The following EXOC4 variants were observed in gnomAD, a reference collection of about 807,000 sequenced individuals.
EXOC4 encodes exocyst complex component 4, also known as SEC8-like 1.
EXOC4 carries 71 observed loss-of-function variants against 107.2 expected under a neutral mutation model. The observed-to-expected ratio is 0.66, with a 90% CI of 0.55 to 0.81. The LOEUF (loss-of-function observed/expected upper bound fraction) is 0.81. Among genes scored for constraint, EXOC4 ranks in the 30% least tolerant of loss-of-function variants. EXOC4 has a pLI of 0.00. For missense variants in EXOC4, 1,108 were observed against 1,189.6 expected (o/e 0.93, Z 1.01); for synonymous variants, 456 against 441.2 (o/e 1.03, Z -0.42).
rs144567195 is a variant in EXOC4 at position 133,762,421 on chromosome 7, C to A, written c.1515-54904C>A. 2.4e-3 allele frequency among the ~76,000 whole-genome samples: 360 copies of A among 152,172 alleles called. 3 individuals carry two copies. The highest frequency in any genetic ancestry group is 8.2e-3 in the African/African-American group (341 of 41,516). The stretch of plus-strand genomic sequence containing the variant: ...AAAAATTGAAAATTAAAATAAGAAA[C>A]CTTTTTTTTACTTCATCAAATAGTA... On this transcript the variant is annotated intron_variant, in intron 10 of 17. Coordinates refer to ENST00000253861, the MANE Select transcript of EXOC4 (RefSeq NM_021807.4).
At chr7:134,077,683 A>T in the EXOC4 span, among the ~76,000 whole-genome samples, 1 of 152,230 alleles carries the variant, frequency 6.6e-6, no homozygotes, top group African/African-American at 2.4e-5. Context: ...GGGGCATGAA[A>T]GCAGGGATAC....
intron 5 of EXOC4, among the ~76,000 whole-genome samples, chr7:133,324,965 T>C (rs539459226): frequency 6.6e-6 from 1 of 152,354 alleles, no homozygotes; most frequent in Admixed American, 6.5e-5. Context: ...CATTATGTAA[T>C]GGCCTTCTTT....
chr7:133,339,894 A>G (rs1255702886), intron 5 of EXOC4, among the ~76,000 whole-genome samples: 1 of 152,214 alleles, frequency 6.6e-6, no homozygotes, highest in Non-Finnish European at 1.5e-5. Flanking sequence ...TATCAGATAT[A>G]GGAGCTTTTT....
At chr7:133,572,658 G>A (rs943873499) in intron 9 of EXOC4, among the ~76,000 whole-genome samples, 16 of 152,018 alleles carry the variant, frequency 1.1e-4, no homozygotes, top group African/African-American at 3.6e-4. Flanking sequence ...AACAAAAATC[G>A]CTTTCATGAA....
intron 7 of EXOC4, among the ~76,000 whole-genome samples, chr7:133,437,106 G>C (rs559622051): frequency 1.3e-5 from 2 of 152,174 alleles, no homozygotes; most frequent in South Asian, 4.1e-4. Flanking sequence ...TAAATTTTGC[G>C]TGTTATCCAA....
chr7:133,359,855 A>ATTATT (rs907714081), intron 6 of EXOC4, among the ~76,000 whole-genome samples: 6 of 152,072 alleles, frequency 3.9e-5, no homozygotes, highest in Admixed American at 3.3e-4. Context: ...TGACCTACTT[A>ATTATT]TTATTTTATT....
At chr7:133,476,165 T>G (rs1799007606) in intron 8 of EXOC4, among the ~76,000 whole-genome samples, 1 of 152,166 alleles carries the variant, frequency 6.6e-6, no homozygotes, top group African/African-American at 2.4e-5. Context: ...AGCTAACGTT[T>G]ATTGAGTTCT....
intron 9 of EXOC4, among the ~76,000 whole-genome samples, chr7:133,602,391 A>T (rs753614213): frequency 6.6e-6 from 1 of 152,160 alleles, no homozygotes; most frequent in East Asian, 1.9e-4. Flanking sequence ...CTCTTTTCCC[A>T]TGATTACTAA....
At chr7:133,352,239 T>G (rs922164103) in intron 5 of EXOC4, among the ~76,000 whole-genome samples, 1 of 151,946 alleles carries the variant, frequency 6.6e-6, no homozygotes, top group Non-Finnish European at 1.5e-5. Context: ...TCTGTCTGGT[T>G]GTTCTATCAA....
In EXOC4 at chr7:133,784,736, G is replaced by A. The variant is rs150116757; in HGVS notation, c.1515-32589G>A. On this transcript the variant is annotated intron_variant, in intron 10 of 17. Coordinates refer to ENST00000253861, the MANE Select transcript of EXOC4 (RefSeq NM_021807.4). ...TATGCTGAGGAGTTGCTTCGGGAAGGCTATTGAAAGCCAGTTGAGCATGGA... is the reference window on the plus strand; with the variant it reads ...TATGCTGAGGAGTTGCTTCGGGAAGACTATTGAAAGCCAGTTGAGCATGGA... Among the ~76,000 whole-genome samples, 48 of 152,262 alleles carry A rather than the reference G, an allele frequency of 3.2e-4. No individual in the cohort carries two copies. In the East Asian group the frequency reaches 3.9e-3, roughly 12 times the overall value.
chr7:133,608,814 T>C (rs1460740878), intron 9 of EXOC4, among the ~76,000 whole-genome samples: 1 of 152,174 alleles, frequency 6.6e-6, no homozygotes. Context: ...CTCAAACTGC[T>C]GGGATTACAG....
At chr7:134,082,031 C>T in the EXOC4 span, among the ~76,000 whole-genome samples, 2 of 152,184 alleles carry the variant, frequency 1.3e-5, no homozygotes, top group Non-Finnish European at 2.9e-5. Context: ...GGTCCTGATC[C>T]AGACCCCAAG....
chr7:133,855,079 C>CTAAATATATCTAAATATATG (rs1554409712), intron 11 of EXOC4, among the ~76,000 whole-genome samples: 1 of 43,752 alleles, frequency 2.3e-5, no homozygotes, highest in Non-Finnish European at 4.1e-5. Flanking sequence ...CTAAATATAT[C>CTAAATATATCTAAATATATG]TAAATATATA....
chr7:133,752,971 A>G (rs1296325708), intron 10 of EXOC4, among the ~76,000 whole-genome samples: 1 of 152,148 alleles, frequency 6.6e-6, no homozygotes, highest in Non-Finnish European at 1.5e-5. Context: ...TGCTAATGCC[A>G]TCCTGCTTAG....
At chr7:133,278,088 A>G (rs749126656) in intron 2 of EXOC4, among the ~76,000 whole-genome samples, 1 of 152,130 alleles carries the variant, frequency 6.6e-6, no homozygotes, top group Admixed American at 6.5e-5. Flanking sequence ...AGTGCCCGCT[A>G]TGTTGCTGAT....
intron 17 of EXOC4, among the ~76,000 whole-genome samples, chr7:134,010,609 A>C (rs1255700958): frequency 6.6e-6 from 1 of 152,222 alleles, no homozygotes; most frequent in Non-Finnish European, 1.5e-5. Context: ...CAGAAATAAT[A>C]GACTGCAGCA....
chr7:134,069,816 C>G (rs1427974479), downstream of EXOC4, among the ~76,000 whole-genome samples: 1 of 152,122 alleles, frequency 6.6e-6, no homozygotes, highest in Non-Finnish European at 1.5e-5. Flanking sequence ...CACCCCACAG[C>G]CTTTATGAAT....
At chr7:133,914,413 C>G (rs1487400308) in intron 12 of EXOC4, among the ~76,000 whole-genome samples, 1 of 152,046 alleles carries the variant, frequency 6.6e-6, no homozygotes, top group Admixed American at 6.6e-5. Flanking sequence ...GGAGCTTTAT[C>G]TGTGCAGAAG....
intron 17 of EXOC4, chr7:134,010,174 C>T (rs1794731359): frequency 6.6e-6 from 1 of 152,080 alleles, no homozygotes; most frequent in Admixed American, 6.6e-5. Context: ...TCCAAGAGGC[C>T]GAGACTCTTT....
Sources: gnomAD v4.1 joint callset for allele counts (sites outside exome capture counted in the v4.1 genomes callset) on GRCh38, gnomAD v4.1.1 for gene constraint, MANE v1.5 for transcripts, NCBI Gene and HGNC (gene_info 2026-07-23, HGNC 2026-07-21) for gene names.